TAFA4: variants seen among roughly 807,000 people sequenced by gnomAD.
TAFA4 encodes chemokine-like protein TAFA-4.
Under a neutral mutation model 21.1 loss-of-function variants are expected in TAFA4, and 20 were observed. The observed-to-expected ratio is 0.95, with a 90% CI of 0.67 to 1.38. The LOEUF (loss-of-function observed/expected upper bound fraction) is 1.38. Ranked by LOEUF, TAFA4 falls within the 40% of genes most tolerant of loss-of-function variation. TAFA4 has a pLI of 0.00. For synonymous variants in TAFA4, 71 were observed against 67.4 expected, an observed-to-expected ratio of 1.05 and a Z score of -0.26; for missense variants, 211 against 180.9, an observed-to-expected ratio of 1.17 and a Z score of -0.95.
intron 1 of TAFA4, chr3:68,916,083 T>A (rs1300452827): frequency 5.9e-5 from 9 of 152,242 alleles, no homozygotes; most frequent in African/African-American, 2.2e-4. Flanking sequence ...TGTGAGAAAT[T>A]CTTTCTTGTG....
intron 3 of TAFA4, among the ~76,000 whole-genome samples, chr3:68,766,057 G>C (rs1222785088): frequency 1.3e-5 from 2 of 151,948 alleles, no homozygotes; most frequent in Non-Finnish European, 1.5e-5. Context: ...AAACAGAAAA[G>C]ATAGAACTAG....
chr3:68,931,324 C>T (rs2090155169), intron 1 of TAFA4, among the ~76,000 whole-genome samples: 2 of 151,994 alleles, frequency 1.3e-5, no homozygotes, highest in Non-Finnish European at 2.9e-5. Flanking sequence ...TAGGTCTCGG[C>T]GAGTCCGTGA....
intron 1 of TAFA4, among the ~76,000 whole-genome samples, chr3:68,904,430 CAA>C (rs1185454154): frequency 6.6e-6 from 1 of 152,158 alleles, no homozygotes; most frequent in African/African-American, 2.4e-5. Context: ...AGTCCACAGA[CAA>C]AGAGATCTTT....
At chr3:68,816,834 T>G (rs187622061) in intron 3 of TAFA4, among the ~76,000 whole-genome samples, 1 of 152,316 alleles carries the variant, frequency 6.6e-6, no homozygotes, top group East Asian at 1.9e-4. Context: ...TCAATAACTT[T>G]ATGTCTAAAA....
intron 3 of TAFA4, among the ~76,000 whole-genome samples, chr3:68,799,943 A>C (rs1703538342): frequency 6.6e-6 from 1 of 151,840 alleles, no homozygotes; most frequent in Non-Finnish European, 1.5e-5. Context: ...ATTCTCACAG[A>C]AGTGTGAATC....
intron 1 of TAFA4, among the ~76,000 whole-genome samples, chr3:68,897,336 C>A (rs1215465667): frequency 6.6e-6 from 1 of 151,932 alleles, no homozygotes; most frequent in East Asian, 1.9e-4. Context: ...TTTGCATATC[C>A]TTATTTTTGG....
chr3:68,898,464 T>C (rs559246743), intron 1 of TAFA4, among the ~76,000 whole-genome samples: 68 of 152,240 alleles, frequency 4.5e-4, no homozygotes, highest in African/African-American at 1.6e-3. Flanking sequence ...CCGGCCAACA[T>C]AGTGAAAACC....
At chr3:68,771,740 CACA>C (rs58822309) in intron 3 of TAFA4, among the ~76,000 whole-genome samples, 6,305 of 152,252 alleles carry the variant, frequency 0.041, 427 homozygotes, top group African/African-American at 0.14. Flanking sequence ...CCACTAACCA[CACA>C]ACGCCTTTCT....
chr3:68,865,350 A>G (rs184071393), intron 3 of TAFA4, among the ~76,000 whole-genome samples: 8 of 151,938 alleles, frequency 5.3e-5, no homozygotes, highest in Admixed American at 1.3e-4. Context: ...TCTCATCCTG[A>G]ATTGTAGTTC....
At chr3:68,869,122 A>G (rs1474686280) in intron 3 of TAFA4, among the ~76,000 whole-genome samples, 1 of 151,560 alleles carries the variant, frequency 6.6e-6, no homozygotes, top group Non-Finnish European at 1.5e-5. Context: ...AAATGAATAA[A>G]TTCCTGGACA....
At chr3:68,758,054 T>C (rs1470169792) in intron 3 of TAFA4, among the ~76,000 whole-genome samples, 1 of 152,138 alleles carries the variant, frequency 6.6e-6, no homozygotes, top group African/African-American at 2.4e-5. Context: ...GCCTCATAAC[T>C]AGAGATTGAG....
chr3:68,923,727 G>A (rs1324727317), intron 1 of TAFA4, among the ~76,000 whole-genome samples: 1 of 152,140 alleles, frequency 6.6e-6, no homozygotes, highest in East Asian at 1.9e-4. Context: ...GAGGAGGACT[G>A]TTAGAGCTTC....
At chr3:68,883,040 C>T (rs2089634753) in intron 2 of TAFA4, 1 of 152,258 alleles carries the variant, frequency 6.6e-6, no homozygotes, top group African/African-American at 2.4e-5. Context: ...AGAGCTTGGA[C>T]AGGAGCAGTT....
chr3:68,851,439 G>A (rs887680068), intron 3 of TAFA4, among the ~76,000 whole-genome samples: 1 of 151,942 alleles, frequency 6.6e-6, no homozygotes, highest in East Asian at 1.9e-4. Flanking sequence ...AACCACCGTG[G>A]CACACATTTA....
intron 3 of TAFA4, among the ~76,000 whole-genome samples, chr3:68,783,901 A>C (rs1421492881): frequency 6.6e-6 from 1 of 152,192 alleles, no homozygotes; most frequent in African/African-American, 2.4e-5. Flanking sequence ...TATTTTTATA[A>C]TGACCCTGTT....
intron 3 of TAFA4, among the ~76,000 whole-genome samples, chr3:68,773,980 G>T (rs1167585261): frequency 1.3e-5 from 2 of 152,180 alleles, no homozygotes; most frequent in African/African-American, 4.8e-5. Flanking sequence ...TTTTCATTCA[G>T]AAACAAAGCC....
At chr3:68,927,498 T>A (rs2090119511) in intron 1 of TAFA4, among the ~76,000 whole-genome samples, 1 of 152,244 alleles carries the variant, frequency 6.6e-6, no homozygotes, top group African/African-American at 2.4e-5. Context: ...TGCTTTCTAG[T>A]TTAAAATGAA....
At chr3:68,849,668 T>A (rs772970753) in intron 3 of TAFA4, among the ~76,000 whole-genome samples, 1 of 152,162 alleles carries the variant, frequency 6.6e-6, no homozygotes, top group Non-Finnish European at 1.5e-5. Flanking sequence ...GAATTCCCAA[T>A]CTATAATCAT....
intron 3 of TAFA4, among the ~76,000 whole-genome samples, chr3:68,832,778 G>A (rs1704430612): frequency 2.0e-5 from 3 of 152,234 alleles, no homozygotes; most frequent in Admixed American, 6.5e-5. Context: ...GTTCAGATAT[G>A]CCCTGCCTCC....
Sources: gnomAD v4.1 joint callset for allele counts (sites outside exome capture counted in the v4.1 genomes callset) on GRCh38, gnomAD v4.1.1 for gene constraint, MANE v1.5 for transcripts, NCBI Gene and HGNC (gene_info 2026-07-23, HGNC 2026-07-21) for gene names.